Variants in PI4KA observed in about 807,000 individuals in gnomAD.
PI4KA encodes PI4-kinase alpha.
In PI4KA, 122 loss-of-function variants were observed where a neutral mutation model predicts 271.4. The observed-to-expected ratio is 0.45, with a 90% confidence interval of 0.39 to 0.52. The LOEUF (loss-of-function observed/expected upper bound fraction) is 0.52, where lower values mean the gene tolerates loss of function less well. Ranked by LOEUF, PI4KA falls within the 20% of genes least tolerant of loss-of-function variation. PI4KA has a pLI of 0.00. For synonymous variants in PI4KA, 1,041 were observed against 1,078.8 expected (o/e 0.96, Z 0.69); for missense variants, 1,969 against 2,769.1 (o/e 0.71, Z 6.48).
intron 50 of PI4KA, among the ~76,000 whole-genome samples, chr22:20,711,724 A>G (rs1408072460): frequency 6.6e-6 from 1 of 150,782 alleles, no homozygotes; most frequent in African/African-American, 2.4e-5. Context: ...CATTCTTTTG[A>G]CTCCCAAAGT....
At chr22:20,825,939 T>G (rs543170554) in intron 3 of PI4KA, among the ~76,000 whole-genome samples, 4 of 152,336 alleles carry the variant, frequency 2.6e-5, no homozygotes, top group African/African-American at 9.6e-5. Flanking sequence ...TGTTCATATG[T>G]ACTCGAAGTT....
intron 4 of PI4KA, 135 bp downstream of exon 4, chr22:20,824,191 G>C (rs1923080523): frequency 1.4e-6 from 1 of 700,224 alleles, no homozygotes; most frequent in Non-Finnish European, 2.6e-6. Flanking sequence ...TCTTAGGTCT[G>C]CTGTCAACAG....
intron 1 of PI4KA, among the ~76,000 whole-genome samples, chr22:20,842,267 A>G (rs556842520): frequency 6.6e-6 from 1 of 152,236 alleles, no homozygotes; most frequent in South Asian, 2.1e-4. Flanking sequence ...AGGCTTGGAA[A>G]TGAGTTCTCC....
intron 1 of PI4KA, among the ~76,000 whole-genome samples, chr22:20,857,909 G>C (rs1927805294): frequency 1.3e-5 from 2 of 152,260 alleles, no homozygotes; most frequent in Middle Eastern, 3.4e-3. Context: ...TTTCTCTTCT[G>C]AAGCAATTCC....
intron 42 of PI4KA, among the ~76,000 whole-genome samples, chr22:20,722,250 A>T (rs968338962): frequency 6.6e-6 from 1 of 152,112 alleles, no homozygotes; most frequent in South Asian, 2.1e-4. Context: ...GCAGTGGTAC[A>T]ATCTCAGCTC....
intron 22 of PI4KA, among the ~76,000 whole-genome samples, chr22:20,764,357 C>T (rs9624802): frequency 0.03 from 4,522 of 152,272 alleles, 222 homozygotes; most frequent in African/African-American, 0.1. Flanking sequence ...GTTAGGACTG[C>T]TGTGGCCACA....
intron 42 of PI4KA, 37 bp from the exon 43 acceptor site, chr22:20,721,455 C>A (rs766393057): frequency 3.2e-5 from 51 of 1,609,980 alleles, no homozygotes; most frequent in African/African-American, 1.7e-4. Context: ...CCAGGCTCGG[C>A]CCTCTCCATG....
intron 1 of PI4KA, 149 bp downstream of exon 1, chr22:20,858,421 C>A: frequency 1.9e-6 from 1 of 532,572 alleles, no homozygotes; most frequent in Non-Finnish European, 2.9e-6. Context: ...GCCTCCTTCC[C>A]CCGCTAGATC....
intron 19 of PI4KA, among the ~76,000 whole-genome samples, chr22:20,785,688 C>G (rs749089479): frequency 2.6e-5 from 4 of 151,912 alleles, no homozygotes; most frequent in Non-Finnish European, 5.9e-5. Flanking sequence ...GAAACCAAAC[C>G]AGAGAATTAT....
At chr22:20,841,090 G>A (rs1925494879) in intron 1 of PI4KA, among the ~76,000 whole-genome samples, 1 of 152,154 alleles carries the variant, frequency 6.6e-6, no homozygotes. Flanking sequence ...AAACCAAGAT[G>A]TCTGGTCTCG....
In PI4KA at chr22:20,807,401, T is replaced by C. The variant is rs1333881705; in HGVS notation, c.1129A>G (p.Met377Val). ...AGAGTGTCACGCAGCATCTTGAACATGGTCAGGTAGAGAGGGTCACTGAAG... is the reference window on the plus strand; with the variant it reads ...AGAGTGTCACGCAGCATCTTGAACACGGTCAGGTAGAGAGGGTCACTGAAG... Reference protein sequence around the residue: ...TSFSDPLYLTMFKMLRDTLYY... With the variant: ...TSFSDPLYLTVFKMLRDTLYY... The change falls in exon 10 of 55, where the codon ATG becomes GTG. Residue 377 changes from methionine to valine, a missense_variant. Around this residue, in one of 13 missense-constraint regions of PI4KA, gnomAD observed 540 missense variants for 555.5 expected, o/e 0.97. Transcript: ENST00000255882. The C allele has an allele frequency of 6.8e-6, 11 of 1,613,598 alleles. No individual in the cohort carries two copies. In the South Asian group the frequency reaches 9.9e-5, roughly 14 times the overall value.
chr22:20,793,867 A>T (rs1423090923), intron 18 of PI4KA, among the ~76,000 whole-genome samples: 3 of 152,250 alleles, frequency 2.0e-5, no homozygotes, highest in Admixed American at 6.5e-5. Flanking sequence ...GATTAGTAAA[A>T]ATTCTGGAAG....
At chr22:20,743,540 C>T (rs538983029) in intron 30 of PI4KA, among the ~76,000 whole-genome samples, 2 of 152,130 alleles carry the variant, frequency 1.3e-5, no homozygotes, top group East Asian at 1.9e-4. Context: ...ACTGCATCCT[C>T]GAACTCCTGG....
At chr22:20,858,528 C>A in intron 1 of PI4KA, 42 bp downstream of exon 1, 5 of 1,306,318 alleles carry the variant, frequency 3.8e-6, no homozygotes, top group Non-Finnish European at 4.9e-6. Context: ...GTCACCCCAG[C>A]CCCTCCTCCT....
Position 20,727,715 on chromosome 22 carries a change from G to T in PI4KA, c.4773+59C>A. On this transcript the variant is annotated intron_variant, in intron 40 of 54. Coordinates refer to ENST00000255882, the MANE Select transcript of PI4KA (RefSeq NM_058004.4). Reference sequence around the variant, plus strand: ...TCATTTCTAGTTTCAGGCATTTCTGGGTGCAGTGTGCTATTTTGTGCAGTT... The same window carrying T: ...TCATTTCTAGTTTCAGGCATTTCTGTGTGCAGTGTGCTATTTTGTGCAGTT... 2.4e-6 allele frequency: 3 copies of T among 1,257,252 alleles called. 1 individual carries two copies. The highest frequency in any genetic ancestry group is 2.5e-5 in the South Asian group (2 of 80,166). The allele number at this position is 1,257,252 out of a possible 1,614,324, so 77.9% of individuals were successfully genotyped here. A position where few individuals can be genotyped will look rare whatever the true frequency, so the allele number is the denominator to read the frequency against.
intron 19 of PI4KA, among the ~76,000 whole-genome samples, chr22:20,789,668 CTAGGAAAGGTTGTCACAT>C (rs1281658611): frequency 6.6e-6 from 1 of 152,164 alleles, no homozygotes; most frequent in Middle Eastern, 3.2e-3. Flanking sequence ...TTAGCAAGAA[CTAGGAAAGGTTGTCACAT>C]TATTCTCAAT....
chr22:20,796,489 G>A lies in PI4KA; in HGVS notation c.2109-175C>T, dbSNP rs971825730. On this transcript the variant is annotated intron_variant, in intron 17 of 54. Coordinates refer to ENST00000255882, the MANE Select transcript of PI4KA (RefSeq NM_058004.4). Reference sequence around the variant, plus strand: ...GTGGAGAAGAACATGTCATCTTCGTGAAAAACAACCTGTAGAATAAAGCCA... The same window carrying A: ...GTGGAGAAGAACATGTCATCTTCGTAAAAAACAACCTGTAGAATAAAGCCA... Among the ~76,000 whole-genome samples, 3 of 152,212 alleles carry A rather than the reference G, an allele frequency of 2.0e-5. No individual in the cohort carries two copies. The East Asian group carries it at 5.8e-4, about 29-fold the overall frequency.
intron 48 of PI4KA, 29 bp from the exon 49 acceptor site, chr22:20,712,826 T>G (rs567934717): frequency 6.4e-7 from 1 of 1,550,520 alleles, no homozygotes; most frequent in East Asian, 2.4e-5. Flanking sequence ...CAGGATGCGG[T>G]CAGTTGGCGT....
At position 20,779,779 on chromosome 22, in the gene PI4KA, T is replaced by C. The variant is rs116401176; in HGVS notation, c.2328+13414A>G. ...TTCGATAACATCTTCATAGCACCCG[T>C]TGGCATTTCTACTGCGATGGGTATG... On this transcript the variant is annotated intron_variant, in intron 19 of 54. Coordinates refer to ENST00000255882, the MANE Select transcript of PI4KA (RefSeq NM_058004.4). 3,867 of 1,614,220 alleles carry C rather than the reference T, an allele frequency of 2.4e-3. 53 individuals are homozygous for C. The African/African-American group carries it at 0.037, about 16-fold the overall frequency.
Sources: allele counts gnomAD v4.1 joint callset (sites outside exome capture counted in the v4.1 genomes callset), GRCh38; gene constraint gnomAD v4.1.1; regional missense constraint gnomAD v4.1.1; transcripts MANE v1.5; gene names NCBI Gene and HGNC (gene_info 2026-07-23, HGNC 2026-07-21).